The following PRKD2 variants were observed in gnomAD, a reference collection of about 807,000 sequenced individuals.
PRKD2 encodes protein kinase D2.
In PRKD2, 22 loss-of-function variants were observed where a neutral mutation model predicts 86.0. The observed-to-expected ratio is 0.26, with a 90% CI of 0.18 to 0.37. PRKD2 has a LOEUF of 0.37. Among genes scored for constraint, PRKD2 ranks in the 10% least tolerant of loss-of-function variants. The pLI, the probability that PRKD2 is intolerant of heterozygous loss-of-function variation, is 1.00. For missense variants in PRKD2, 818 were observed against 1,199.2 expected (o/e 0.68, Z 4.70); for synonymous variants, 509 against 510.9 (o/e 1.00, Z 0.05).
At chr19:46,689,898 CTT>C (rs551202416) in intron 13 of PRKD2, among the ~76,000 whole-genome samples, 200 bp from the exon 14 acceptor site, 41 of 152,148 alleles carry the variant, frequency 2.7e-4, no homozygotes, top group South Asian at 8.3e-4. Flanking sequence ...CCAGAAGGAT[CTT>C]TTTTTTCTTT....
At chr19:46,694,212 G>A (rs2053525137) in intron 9 of PRKD2, 79 bp from the exon 10 acceptor site, 1 of 1,549,698 alleles carries the variant, frequency 6.5e-7, no homozygotes, top group East Asian at 2.3e-5. Flanking sequence ...AGGATACACG[G>A]GATCCATGTT....
chr19:46,681,367 A>T (rs2053304383), intron 15 of PRKD2, among the ~76,000 whole-genome samples: 1 of 149,226 alleles, frequency 6.7e-6, no homozygotes, highest in South Asian at 2.1e-4. Context: ...CAATCCTCCC[A>T]TCTCAGCCTC....
chr19:46,697,751 G>A lies in PRKD2; in HGVS notation c.1221C>T (p.Tyr407=). 6.2e-7 allele frequency: 1 copy of A among 1,614,004 alleles called. No homozygotes were observed. Among genetic ancestry groups the A allele is most frequent in the Non-Finnish European group, 8.5e-7 (1 of 1,179,962 alleles). ...TTLREGWVVH[Y]SNKDTLRKRH... is the part of the protein sequence containing the mutation. ...CACTCACCAGCGTGTCCTTGTTGCT[G>A]TAATGAACCACCCAACCCTCCCGCA... The change falls in exon 8 of 18, where the codon TAC becomes TAT. Residue 407 remains tyrosine (Y), a synonymous_variant. Coordinates refer to ENST00000291281, the MANE Select transcript of PRKD2 (RefSeq NM_016457.5).
chr19:46,675,148 C>A (rs779742653), intron 16 of PRKD2, 30 bp from the exon 17 acceptor site: 14 of 1,582,688 alleles, frequency 8.8e-6, no homozygotes, highest in Admixed American at 3.5e-5. Context: ...AGGTCAAGCC[C>A]TACAGGTCAA....
Position 46,693,817 on chromosome 19 carries a change from A to G in PRKD2, c.1576+58T>C. 1 of 1,530,136 alleles carries G rather than the reference A, an allele frequency of 6.5e-7. No homozygotes were observed. The allele number at this position is 1,530,136 out of a possible 1,614,324, so 94.8% of individuals were successfully genotyped here. A position where few individuals can be genotyped will look rare whatever the true frequency, so the allele number is the denominator to read the frequency against. On this transcript the variant is annotated intron_variant, in intron 10 of 17. Coordinates refer to ENST00000291281, the MANE Select transcript of PRKD2 (RefSeq NM_016457.5). This position sits in a 1 kb window ranked among gnomAD's most constrained non-coding sequence, Gnocchi z 4.5. ...CCTCTTTGGCCCTTCCATTCCCCAG[A>G]ACCGTGCCCCACCCATCTAGATCTA...
intron 14 of PRKD2, chr19:46,686,011 T>C (rs968836623): frequency 1.3e-5 from 2 of 151,924 alleles, no homozygotes; most frequent in Non-Finnish European, 2.9e-5. Flanking sequence ...CCCCACCCCA[T>C]AAGCCAGCCT....
chr19:46,706,449 G>A (rs1010796235), intron 3 of PRKD2, among the ~76,000 whole-genome samples: 2 of 152,204 alleles, frequency 1.3e-5, no homozygotes, highest in Admixed American at 6.5e-5. Context: ...CCTGCAAGAA[G>A]AGCTTCAGCA....
intron 9 of PRKD2, 37 bp downstream of exon 9, chr19:46,697,120 C>T (rs768555975): frequency 1.3e-6 from 2 of 1,493,384 alleles, no homozygotes; most frequent in Middle Eastern, 1.7e-4. Flanking sequence ...GTGGGCACAG[C>T]GGGAAGTCCG....
At position 46,693,763 on chromosome 19, in the gene PRKD2, G is replaced by T; in HGVS notation, c.1576+112C>A. ...CCCAGGCCTGCTGAGTCCAGAAGCT[G>T]CGTTCTCAACCCCACCATTGCCCAC... On this transcript the variant is annotated intron_variant, in intron 10 of 17. Transcript: ENST00000291281. The surrounding 1 kb of genome is among the most constrained non-coding windows in gnomAD (Gnocchi z 4.5). The T allele has an allele frequency of 7.0e-7, 1 of 1,425,516 alleles. No individual in the cohort carries two copies. Among genetic ancestry groups the T allele is most frequent in the Non-Finnish European group, 9.4e-7 (1 of 1,064,836 alleles). The allele number at this position is 1,425,516 out of a possible 1,614,324, so 88.3% of individuals were successfully genotyped here.
chr19:46,704,427 C>T (rs1427915066), intron 4 of PRKD2, 36 bp from the exon 5 acceptor site: 8 of 1,613,804 alleles, frequency 5.0e-6, no homozygotes, highest in Admixed American at 1.7e-5. Flanking sequence ...CACATCAGTG[C>T]GTTGGCCCCA....
intron 10 of PRKD2, among the ~76,000 whole-genome samples, chr19:46,692,221 G>T (rs566157290): frequency 3.5e-4 from 54 of 152,172 alleles, no homozygotes; most frequent in African/African-American, 1.3e-3. Context: ...AATGAGATGT[G>T]CTGAGTGGCT....
chr19:46,700,934 GCCT>G lies in PRKD2; in HGVS notation c.983_985del (p.Glu328del), dbSNP rs776273562. On this transcript the variant is annotated inframe_deletion, in exon 7 of 18. Coordinates refer to ENST00000291281, the MANE Select transcript of PRKD2 (RefSeq NM_016457.5). ...CTTGTCAGCCTCGCTGAAATCGGTG[GCCT>G]CCTCCATCGGCACATCTGTGGGGAC... The G allele has an allele frequency of 6.2e-7, 1 of 1,614,236 alleles. No individual in the cohort carries two copies. Among genetic ancestry groups the G allele is most frequent in the Non-Finnish European group, 8.5e-7 (1 of 1,180,024 alleles).
At chr19:46,695,161 C>T (rs1256163936) in intron 9 of PRKD2, among the ~76,000 whole-genome samples, 2 of 151,666 alleles carry the variant, frequency 1.3e-5, no homozygotes, top group Non-Finnish European at 2.9e-5. Flanking sequence ...CATGCCACTG[C>T]ACCTGGGAGA....
In PRKD2 at chr19:46,697,067, C is replaced by T. The variant is rs2053569286; in HGVS notation, c.1317+90G>A. 3 of 1,063,734 alleles carry T rather than the reference C, an allele frequency of 2.8e-6. No individual in the cohort carries two copies. The Admixed American group carries it at 5.2e-5, about 19-fold the overall frequency. The allele number at this position is 1,063,734 out of a possible 1,614,324, so 65.9% of individuals were successfully genotyped here. ...GGGCAGAGGGTGTGATTTGCAGGAT[C>T]TGTCTGGAGTAACTGGGGGTAGGAG... is the stretch of plus-strand genomic sequence containing the variant. On this transcript the variant is annotated intron_variant, in intron 9 of 17. Transcript: ENST00000291281.
At chr19:46,679,831 G>A (rs141647804) in intron 15 of PRKD2, among the ~76,000 whole-genome samples, 1 of 152,180 alleles carries the variant, frequency 6.6e-6, no homozygotes, top group East Asian at 1.9e-4. Flanking sequence ...CACCACATCA[G>A]CCAGGCTGGT....
At chr19:46,686,747 CGAGACCA>C (rs2053404308) in intron 14 of PRKD2, among the ~76,000 whole-genome samples, 1 of 151,432 alleles carries the variant, frequency 6.6e-6, no homozygotes, top group South Asian at 2.1e-4. Context: ...GTCAGGAGAT[CGAGACCA>C]TCCTGGTTAA....
In PRKD2 at chr19:46,716,009, T is replaced by C; in HGVS notation, c.240+122A>G. On this transcript the variant is annotated intron_variant, in intron 1 of 17. Coordinates refer to ENST00000291281, the MANE Select transcript of PRKD2 (RefSeq NM_016457.5). This position sits in a 1 kb window ranked among gnomAD's most constrained non-coding sequence, Gnocchi z 7.9. Reference sequence around the variant, plus strand: ...GGAGGGGGGCAATGCCCCCTATCCCTCCATCACCCAAAGCTCAGGTCTCCT... The same window carrying C: ...GGAGGGGGGCAATGCCCCCTATCCCCCCATCACCCAAAGCTCAGGTCTCCT... The C allele has an allele frequency of 7.1e-7, 1 of 1,416,870 alleles. No homozygotes were observed. The highest frequency in any genetic ancestry group is 1.5e-5 in the African/African-American group (1 of 66,908). 87.8% of individuals were successfully genotyped at this position (1,416,870 alleles called of 1,614,324 possible). A position where few individuals can be genotyped will look rare whatever the true frequency, so the allele number is the denominator to read the frequency against.
chr19:46,685,258 CAAAA>C (rs763420052), intron 14 of PRKD2, among the ~76,000 whole-genome samples: 2 of 89,090 alleles, frequency 2.2e-5, no homozygotes, highest in Non-Finnish European at 2.1e-5. Flanking sequence ...GACTTCGTCT[CAAAA>C]AAAAAAAAAA....
rs562754258 is a variant in PRKD2 at position 46,687,378 on chromosome 19, C to T, written c.1971+2159G>A. Among the ~76,000 whole-genome samples the T allele has an allele frequency of 6.7e-5, 10 of 150,292 alleles. No individual in the cohort carries two copies. In the South Asian group the frequency reaches 1.7e-3, roughly 26 times the overall value. ...CTGCACTCCAGCTCGGGTGACAGAG[C>T]GAGACCCTGTCTCAAAAAAACAAAC... On this transcript the variant is annotated intron_variant, in intron 14 of 17. Coordinates refer to ENST00000291281, the MANE Select transcript of PRKD2 (RefSeq NM_016457.5).
Sources: allele counts gnomAD v4.1 joint callset (sites outside exome capture counted in the v4.1 genomes callset), GRCh38; gene constraint gnomAD v4.1.1; non-coding constraint Gnocchi (gnomAD v3.1); transcripts MANE v1.5; gene names NCBI Gene and HGNC (gene_info 2026-07-23, HGNC 2026-07-21).